The following SMAD7 variants were observed in gnomAD, a reference collection of about 807,000 sequenced individuals.
The protein encoded by SMAD7 is MAD (mothers against decapentaplegic, Drosophila) homolog 7.
In SMAD7, 8 loss-of-function variants were observed where a neutral mutation model predicts 38.7. That is an observed-to-expected ratio of 0.21 (90% confidence interval 0.12 to 0.37). The LOEUF is 0.37. Ranked by LOEUF, SMAD7 falls within the 10% of genes least tolerant of loss-of-function variation. The probability of loss-of-function intolerance (pLI) is 1.00; values close to 1 mark genes in which losing one functional copy is unlikely to be tolerated. For missense variants in SMAD7, 477 were observed against 577.9 expected, an observed-to-expected ratio of 0.83 and a Z score of 1.79; for synonymous variants, 327 against 265.1, an observed-to-expected ratio of 1.23 and a Z score of -2.27.
intron 3 of SMAD7, among the ~76,000 whole-genome samples, chr18:48,937,706 C>G (rs1247991799): frequency 3.9e-5 from 6 of 152,168 alleles, no homozygotes; most frequent in Admixed American, 2.0e-4. Flanking sequence ...TAAGGAGAGG[C>G]AGAAGGTGTC....
At chr18:48,946,305 C>T (rs900255190) in intron 2 of SMAD7, among the ~76,000 whole-genome samples, 1 of 152,156 alleles carries the variant, frequency 6.6e-6, no homozygotes, top group Admixed American at 6.5e-5. Context: ...TGTAGATTCC[C>T]GGGCCAAACA....
intron 3 of SMAD7, among the ~76,000 whole-genome samples, chr18:48,940,453 A>G (rs1436267690): frequency 6.6e-6 from 1 of 152,184 alleles, no homozygotes; most frequent in Non-Finnish European, 1.5e-5. Flanking sequence ...CTTTGGGGAA[A>G]AAAAGCCCAC....
chr18:48,924,721 TC>T (rs1488379307), intron 3 of SMAD7, among the ~76,000 whole-genome samples: 1 of 151,806 alleles, frequency 6.6e-6, no homozygotes, highest in Non-Finnish European at 1.5e-5. Context: ...CCCCTCCAGC[TC>T]CCCCACCAGC....
rs979479154 is a variant in SMAD7 at position 48,921,265 on chromosome 18, G to A, written c.*107C>T. ...ACCAACCAACAAACAAAAAAAAAAC[G>A]ACCAAAGAGTTTGCATGAAAAGCAA... On this transcript the variant is annotated 3_prime_UTR_variant, in exon 4 of 4. Coordinates refer to ENST00000262158, the MANE Select transcript of SMAD7 (RefSeq NM_005904.4). This position sits in a 1 kb window ranked among gnomAD's most constrained non-coding sequence, Gnocchi z 6.4. The A allele has an allele frequency of 7.2e-6, 7 of 972,418 alleles. No homozygotes were observed. The highest frequency in any genetic ancestry group is 2.6e-5 in the East Asian group (1 of 39,158). 60.2% of individuals were successfully genotyped at this position (972,418 alleles called of 1,614,324 possible). A position where few individuals can be genotyped will look rare whatever the true frequency, so the allele number is the denominator to read the frequency against.
At position 48,950,109 on chromosome 18, in the gene SMAD7, G is replaced by C. The variant is rs1259877909; in HGVS notation, c.316C>G (p.Arg106Gly). The C allele has an allele frequency of 6.7e-7, 1 of 1,485,322 alleles. No homozygotes were observed. The highest frequency in any genetic ancestry group is 8.9e-7 in the Non-Finnish European group (1 of 1,121,276). The allele number at this position is 1,485,322 out of a possible 1,614,324, so 92.0% of individuals were successfully genotyped here. The change falls in exon 1 of 4, where the codon CGG (arginine) becomes GGG (glycine). Residue 106 changes from arginine (R) to glycine (G), a missense_variant. Physicochemically the swap from Arg to Gly is moderately radical, Grantham distance 125. Transcript: ENST00000262158. ...THSVLKKLKE[R>G]QLELLLQAVE... ...GCCTGGAGCAGCAGCTCCAGCTGCC[G>C]CTCCTTCAGTTTCTTGAGCACCGAG...
At chr18:48,942,888 C>T in intron 2 of SMAD7, 1 of 733,414 alleles carries the variant, frequency 1.4e-6, no homozygotes, top group Non-Finnish European at 1.8e-6. Flanking sequence ...TTGGGTTGGA[C>T]TTTCTCAACC....
At position 48,921,370 on chromosome 18, in the gene SMAD7, G is replaced by A. The variant is rs772790276; in HGVS notation, c.*2C>T. On this transcript the variant is annotated 3_prime_UTR_variant, in exon 4 of 4. Transcript: ENST00000262158. This position sits in a 1 kb window ranked among gnomAD's most constrained non-coding sequence, Gnocchi z 6.4. ...CTCACGCTCTGTCCCCTCCGCACGC[G>A]GCTACCGGCTGTTGAAGATGACCTC... 82 of 1,607,252 alleles carry A rather than the reference G, an allele frequency of 5.1e-5. No homozygotes were observed. The highest frequency in any genetic ancestry group is 8.4e-5 in the Admixed American group (5 of 59,854).
intron 3 of SMAD7, among the ~76,000 whole-genome samples, chr18:48,924,890 G>A (rs1599220261): frequency 6.6e-6 from 1 of 152,198 alleles, no homozygotes; most frequent in Non-Finnish European, 1.5e-5. Flanking sequence ...TGGGGACCCC[G>A]CACGACATCC....
intron 2 of SMAD7, among the ~76,000 whole-genome samples, chr18:48,948,014 A>G (rs1222044679): frequency 1.3e-5 from 2 of 151,138 alleles, no homozygotes; most frequent in African/African-American, 4.9e-5. Flanking sequence ...CACCCTTTCC[A>G]TTATTCCCAC....
At chr18:48,947,936 G>A (rs1287561158) in intron 2 of SMAD7, among the ~76,000 whole-genome samples, 2 of 137,036 alleles carry the variant, frequency 1.5e-5, no homozygotes, top group Non-Finnish European at 3.0e-5. Flanking sequence ...CTTCTGAAAA[G>A]TTCTAGTGTC....
chr18:48,941,848 G>C (rs2143807341), intron 3 of SMAD7, among the ~76,000 whole-genome samples: 1 of 152,262 alleles, frequency 6.6e-6, no homozygotes, highest in East Asian at 1.9e-4. Context: ...CCCAGCACTG[G>C]CATTCCAGGC....
At chr18:48,928,624 A>C (rs1351521573) in intron 3 of SMAD7, among the ~76,000 whole-genome samples, 3 of 151,660 alleles carry the variant, frequency 2.0e-5, no homozygotes, top group African/African-American at 7.3e-5. Flanking sequence ...CCTCCTTGCC[A>C]CCTCTCCCAA....
At chr18:48,932,385 G>A (rs891631390) in intron 3 of SMAD7, among the ~76,000 whole-genome samples, 4 of 152,182 alleles carry the variant, frequency 2.6e-5, no homozygotes, top group East Asian at 3.8e-4. Flanking sequence ...AGATCAAAAC[G>A]TAAGAAAGCA....
At chr18:48,922,323 C>A (rs1007144206) in intron 3 of SMAD7, among the ~76,000 whole-genome samples, 3 of 152,270 alleles carry the variant, frequency 2.0e-5, no homozygotes, top group Middle Eastern at 3.4e-3. Flanking sequence ...ACCTTGAAGG[C>A]CAGCTCCTCC....
intron 3 of SMAD7, among the ~76,000 whole-genome samples, chr18:48,936,817 T>C (rs2070072809): frequency 1.3e-5 from 2 of 152,166 alleles, no homozygotes; most frequent in Admixed American, 6.5e-5. Flanking sequence ...CAGTGGCTCA[T>C]GCCTGGAATC....
chr18:48,939,899 G>A (rs2070117366), intron 3 of SMAD7, among the ~76,000 whole-genome samples: 1 of 141,112 alleles, frequency 7.1e-6, no homozygotes, highest in Non-Finnish European at 1.5e-5. Flanking sequence ...TCCAGTCACT[G>A]GCCTCATCCA....
chr18:48,923,920 A>G (rs1436267197), intron 3 of SMAD7, among the ~76,000 whole-genome samples: 1 of 152,214 alleles, frequency 6.6e-6, no homozygotes, highest in East Asian at 1.9e-4. Flanking sequence ...TTGTTTCTGC[A>G]AAGTATCCAT....
At chr18:48,929,682 G>A (rs963447702) in intron 3 of SMAD7, among the ~76,000 whole-genome samples, 3 of 151,754 alleles carry the variant, frequency 2.0e-5, no homozygotes, top group African/African-American at 7.3e-5. Flanking sequence ...AGAAGGACAG[G>A]ACAGTTTTTC....
intron 3 of SMAD7, among the ~76,000 whole-genome samples, chr18:48,937,620 G>A (rs2070086237): frequency 6.6e-6 from 1 of 152,212 alleles, no homozygotes; most frequent in Non-Finnish European, 1.5e-5. Context: ...CGGGGTCCAG[G>A]ACTGGTCTTC....
Sources: allele counts gnomAD v4.1 joint callset (sites outside exome capture counted in the v4.1 genomes callset), GRCh38; gene constraint gnomAD v4.1.1; non-coding constraint Gnocchi (gnomAD v3.1); transcripts MANE v1.5; gene names NCBI Gene and HGNC (gene_info 2026-07-23, HGNC 2026-07-21).